TMEM117: variants seen among roughly 807,000 people sequenced by gnomAD.
TMEM117 encodes the protein transmembrane protein 117.
A neutral mutation model predicts 52.4 loss-of-function variants in TMEM117; 27 were observed. That is an observed-to-expected ratio of 0.51 (90% CI 0.38 to 0.71). TMEM117 has a LOEUF of 0.71. TMEM117 is among the 30% of genes least tolerant of loss of function. The pLI is 0.00. For synonymous variants in TMEM117, 215 were observed against 206.3 expected (o/e 1.04, Z -0.36); for missense variants, 556 against 630.5 (o/e 0.88, Z 1.26).
At chr12:44,349,012 G>A (rs888303554) in intron 6 of TMEM117, among the ~76,000 whole-genome samples, 3 of 151,878 alleles carry the variant, frequency 2.0e-5, no homozygotes, top group South Asian at 4.1e-4. Context: ...AACATGCTTT[G>A]GTTGAAAGCC....
At chr12:44,214,137 AAT>A (rs1949683880) in intron 5 of TMEM117, among the ~76,000 whole-genome samples, 1 of 93,410 alleles carries the variant, frequency 1.1e-5, no homozygotes, top group Non-Finnish European at 2.1e-5. Context: ...TTTTTTTTTT[AAT>A]TTTTTTTTTT....
Position 44,389,056 on chromosome 12 carries a change from CG to C in TMEM117, c.*385del. The C allele has an allele frequency of 7.2e-6, 1 of 139,686 alleles. No homozygotes were observed. The highest frequency in any genetic ancestry group is 7.2e-5 in the Admixed American group (1 of 13,832). The allele number at this position is 139,686 out of a possible 1,614,324, so 8.7% of individuals were successfully genotyped here. A position where few individuals can be genotyped will look rare whatever the true frequency, so the allele number is the denominator to read the frequency against. ...AGTTACCTAACCTATTTCACATGGG[CG>C]TTTTGTATACAACTATTTTGATCTA... On this transcript the variant is annotated 3_prime_UTR_variant, in exon 8 of 8. Transcript: ENST00000266534.
intron 3 of TMEM117, among the ~76,000 whole-genome samples, chr12:44,142,679 A>G (rs1948587323): frequency 6.6e-6 from 1 of 152,176 alleles, no homozygotes. Flanking sequence ...TAGTTAAGTG[A>G]ACAAAAACTT....
the TMEM117 span, chr12:43,804,340 G>T: frequency 1.6e-6 from 1 of 607,054 alleles, no homozygotes. Context: ...GGGCCCATAG[G>T]GACCTGCACA....
intron 3 of TMEM117, among the ~76,000 whole-genome samples, chr12:43,963,335 G>C (rs1039648057): frequency 6.6e-5 from 10 of 152,062 alleles, no homozygotes; most frequent in Non-Finnish European, 5.9e-5. Context: ...TTACAGCTGA[G>C]TATCCAAAAT....
chr12:43,969,612 T>C (rs1945548677), intron 3 of TMEM117, among the ~76,000 whole-genome samples: 1 of 152,096 alleles, frequency 6.6e-6, no homozygotes, highest in African/African-American at 2.4e-5. Context: ...ACTTCTTCCA[T>C]TCTGTCATCT....
intron 2 of TMEM117, among the ~76,000 whole-genome samples, chr12:43,886,186 A>G (rs1433217924): frequency 6.6e-6 from 1 of 152,210 alleles, no homozygotes; most frequent in African/African-American, 2.4e-5. Context: ...CAAGATTACA[A>G]GAAAACATCT....
chr12:43,855,339 T>C (rs1193908316), intron 2 of TMEM117, among the ~76,000 whole-genome samples: 1 of 152,050 alleles, frequency 6.6e-6, no homozygotes. Flanking sequence ...CTTGGCTCAC[T>C]GCAACCTCCG....
chr12:44,095,864 C>T lies in TMEM117; in HGVS notation c.411-47661C>T, dbSNP rs189156760. ...TCAACATAGTGTTGGAAGTTCTGGC[C>T]AGGGCAATTAGGCAGGAGAAGGAAA... On this transcript the variant is annotated intron_variant, in intron 3 of 7. Transcript: ENST00000266534. 2.4e-3 allele frequency among the ~76,000 whole-genome samples: 360 copies of T among 152,146 alleles called. 5 individuals carry two copies. The highest frequency in any genetic ancestry group is 8.3e-3 in the African/African-American group (344 of 41,494).
At chr12:44,032,657 G>A (rs1946650648) in intron 3 of TMEM117, among the ~76,000 whole-genome samples, 1 of 152,158 alleles carries the variant, frequency 6.6e-6, no homozygotes, top group South Asian at 2.1e-4. Context: ...TGAAGGACAA[G>A]CTTATTAAAT....
At position 44,312,504 on chromosome 12, in the gene TMEM117, C is replaced by T. The variant is rs562562962; in HGVS notation, c.768+12765C>T. Among the ~76,000 whole-genome samples the T allele has an allele frequency of 5.9e-5, 9 of 152,212 alleles. No individual in the cohort carries two copies. In the East Asian group the frequency reaches 1.5e-3, roughly 26 times the overall value. ...ATGCATCACATTTTCTTTATCCAAT[C>T]CACCGCTGTTGGGCCCTTAGATTGA... is the stretch of plus-strand genomic sequence containing the variant. On this transcript the variant is annotated intron_variant, in intron 6 of 7. Coordinates refer to ENST00000266534, the MANE Select transcript of TMEM117 (RefSeq NM_032256.3).
intron 5 of TMEM117, among the ~76,000 whole-genome samples, chr12:44,291,226 G>T (rs566419647): frequency 2.0e-5 from 3 of 152,014 alleles, no homozygotes; most frequent in South Asian, 2.1e-4. Context: ...TTATTTGCAA[G>T]AATTTTATTC....
At chr12:43,912,387 A>T (rs973470868) in intron 2 of TMEM117, among the ~76,000 whole-genome samples, 1 of 151,636 alleles carries the variant, frequency 6.6e-6, no homozygotes, top group Non-Finnish European at 1.5e-5. Flanking sequence ...TGGGAGATAT[A>T]CCTAATGCTA....
At chr12:43,912,762 T>A (rs1944535451) in intron 2 of TMEM117, among the ~76,000 whole-genome samples, 1 of 152,052 alleles carries the variant, frequency 6.6e-6, no homozygotes, top group Admixed American at 6.6e-5. Context: ...TTAATATATG[T>A]GTAGCCTTTA....
intron 6 of TMEM117, among the ~76,000 whole-genome samples, chr12:44,302,384 T>C (rs1404673586): frequency 6.6e-6 from 1 of 152,244 alleles, no homozygotes; most frequent in African/African-American, 2.4e-5. Flanking sequence ...TATTTGCTGC[T>C]GGGCATTTGC....
chr12:44,011,285 C>G (rs370102113), intron 3 of TMEM117, among the ~76,000 whole-genome samples: 1 of 152,132 alleles, frequency 6.6e-6, no homozygotes, highest in Non-Finnish European at 1.5e-5. Flanking sequence ...GTACCAAGCC[C>G]TGTATATACT....
chr12:43,902,844 T>A (rs997478021), intron 2 of TMEM117, among the ~76,000 whole-genome samples: 6 of 151,868 alleles, frequency 4.0e-5, no homozygotes, highest in Non-Finnish European at 8.8e-5. Flanking sequence ...AAAAACTGGA[T>A]AACTGATTAA....
chr12:43,972,601 C>T (rs949871792), intron 3 of TMEM117, among the ~76,000 whole-genome samples: 8 of 152,110 alleles, frequency 5.3e-5, no homozygotes, highest in South Asian at 2.1e-4. Flanking sequence ...TTTTACAGAG[C>T]GCTGATTGGT....
chr12:43,886,039 C>T (rs1258537528), intron 2 of TMEM117, among the ~76,000 whole-genome samples: 1 of 152,118 alleles, frequency 6.6e-6, no homozygotes, highest in Non-Finnish European at 1.5e-5. Flanking sequence ...ATGGGGGAAC[C>T]TTGTGTATCA....
Sources: gnomAD v4.1 joint callset for allele counts (sites outside exome capture counted in the v4.1 genomes callset) on GRCh38, gnomAD v4.1.1 for gene constraint, MANE v1.5 for transcripts, NCBI Gene and HGNC (gene_info 2026-07-23, HGNC 2026-07-21) for gene names.